PPEF1: variants seen among roughly 807,000 people sequenced by gnomAD.
PPEF1 encodes the protein protein phosphatase with EF-hand domain 1.
A neutral mutation model predicts 53.3 loss-of-function variants in PPEF1; 12 were observed. The observed-to-expected ratio is 0.23, with a 90% CI of 0.14 to 0.36. The LOEUF (loss-of-function observed/expected upper bound fraction) is 0.36, where lower values mean the gene tolerates loss of function less well. PPEF1 is among the 10% of genes least tolerant of loss of function. The pLI is 1.00. For missense variants in PPEF1, 334 were observed against 490.4 expected (o/e 0.68, Z 3.01); for synonymous variants, 165 against 176.7 (o/e 0.93, Z 0.52).
intron 12 of PPEF1, among the ~76,000 whole-genome samples, chrX:18,817,067 CAT>C (rs1555979311): frequency 0.067 from 3,303 of 49,093 alleles, 58 homozygotes; most frequent in Middle Eastern, 0.1. Context: ...ATCATTTTGC[CAT>C]GTGTGTGTGT....
intron 1 of PPEF1, among the ~76,000 whole-genome samples, chrX:18,676,732 G>C (rs988953268): frequency 8.9e-6 from 1 of 112,114 alleles, no homozygotes; most frequent in Admixed American, 9.4e-5. Context: ...CCCACTGGTT[G>C]TGTTTTGGAT....
chrX:18,802,444 C>G (rs1224919897), intron 10 of PPEF1, among the ~76,000 whole-genome samples: 1 of 111,595 alleles, frequency 9.0e-6, no homozygotes, highest in East Asian at 2.8e-4. Flanking sequence ...TCCTGCGCCC[C>G]AAAGGAAATG....
intron 4 of PPEF1, chrX:18,691,172 C>T (rs1264535108): frequency 8.9e-6 from 1 of 111,816 alleles, no homozygotes; most frequent in Non-Finnish European, 1.9e-5. Flanking sequence ...GAAAGTTAAC[C>T]TGTGGCCTCT....
At chrX:18,743,327 A>T (rs1273000185) in intron 3 of PPEF1, among the ~76,000 whole-genome samples, 1 of 111,157 alleles carries the variant, frequency 9.0e-6, no homozygotes, top group African/African-American at 3.3e-5. Context: ...GCAATAGTAC[A>T]TTCATTTCAT....
intron 10 of PPEF1, among the ~76,000 whole-genome samples, chrX:18,803,037 G>T (rs1437935665): frequency 8.9e-6 from 1 of 112,012 alleles, no homozygotes; most frequent in Non-Finnish European, 1.9e-5. Flanking sequence ...ATATAGAGGT[G>T]TGAAGTGGGA....
At chrX:18,723,132 C>A (rs1456236466) in intron 1 of PPEF1, among the ~76,000 whole-genome samples, 4 of 110,486 alleles carry the variant, frequency 3.6e-5, no homozygotes, top group African/African-American at 9.9e-5. Context: ...TTACAGGTGC[C>A]CACCACCATG....
intron 10 of PPEF1, among the ~76,000 whole-genome samples, chrX:18,798,321 C>G (rs1356607456): frequency 8.9e-6 from 1 of 111,757 alleles, no homozygotes; most frequent in Non-Finnish European, 1.9e-5. Flanking sequence ...GCATGAGCCA[C>G]GGCGCCTGGC....
At chrX:18,741,639 T>C (rs1021047755) in intron 3 of PPEF1, among the ~76,000 whole-genome samples, 3 of 110,284 alleles carry the variant, frequency 2.7e-5, no homozygotes, top group African/African-American at 9.9e-5. Flanking sequence ...CATCCTGCCT[T>C]CTTGTACTGC....
intron 4 of PPEF1, among the ~76,000 whole-genome samples, chrX:18,693,620 G>A (rs1473576383): frequency 2.7e-5 from 3 of 112,129 alleles, no homozygotes; most frequent in Non-Finnish European, 3.8e-5. Flanking sequence ...AGGCTGGAGT[G>A]TAATGGCGCA....
intron 10 of PPEF1, among the ~76,000 whole-genome samples, chrX:18,793,585 A>T (rs1399764042): frequency 1.8e-5 from 2 of 110,982 alleles, no homozygotes; most frequent in Non-Finnish European, 3.8e-5. Context: ...TGTTTTATAT[A>T]TGTCTCTTTG....
intron 3 of PPEF1, among the ~76,000 whole-genome samples, chrX:18,740,520 C>G (rs778321276): frequency 1.2e-4 from 13 of 109,914 alleles, no homozygotes; most frequent in Non-Finnish European, 2.1e-4. Context: ...GGTGATTCTC[C>G]TGCCTCAGCC....
chrX:18,729,186 T>A (rs1362715211), intron 1 of PPEF1, among the ~76,000 whole-genome samples: 1 of 111,832 alleles, frequency 8.9e-6, no homozygotes, highest in African/African-American at 3.3e-5. Flanking sequence ...TCATAGAAAC[T>A]CTGTGAGGGA....
chrX:18,704,036 A>G (rs2044144006), upstream of PPEF1, among the ~76,000 whole-genome samples: 1 of 102,059 alleles, frequency 9.8e-6, no homozygotes, highest in African/African-American at 3.7e-5. Flanking sequence ...TGATCCTCCC[A>G]CCTCAGCCTC....
At chrX:18,753,827 A>G (rs1377361900) in intron 4 of PPEF1, among the ~76,000 whole-genome samples, 1 of 111,585 alleles carries the variant, frequency 9.0e-6, no homozygotes, top group Non-Finnish European at 1.9e-5. Context: ...GCATGATTTC[A>G]GTCTTTTTAA....
At chrX:18,783,331 C>T (rs1166575083) in intron 8 of PPEF1, among the ~76,000 whole-genome samples, 1 of 109,449 alleles carries the variant, frequency 9.1e-6, no homozygotes. Context: ...ATATGAAGGG[C>T]GAGTCATTGA....
At chrX:18,733,619 T>C (rs1488267529) in intron 2 of PPEF1, 129 bp from the exon 3 acceptor site, 5 of 511,666 alleles carry the variant, frequency 9.8e-6, no homozygotes, top group Non-Finnish European at 1.6e-5. Flanking sequence ...AAGTGACCCT[T>C]AGCACCTGCA....
At chrX:18,789,338 A>G in intron 10 of PPEF1, 65 bp downstream of exon 10, 1 of 1,039,791 alleles carries the variant, frequency 9.6e-7, no homozygotes, top group Non-Finnish European at 1.3e-6. Context: ...GTCCCTTACA[A>G]TATATAGATA....
At chrX:18,788,730 A>C (rs1457005895) in intron 9 of PPEF1, among the ~76,000 whole-genome samples, 1 of 111,833 alleles carries the variant, frequency 8.9e-6, no homozygotes, top group Non-Finnish European at 1.9e-5. Context: ...CAGCCACTCT[A>C]TTAAGAGGTG....
At chrX:18,741,091 G>A (rs1334572504) in intron 3 of PPEF1, among the ~76,000 whole-genome samples, 1 of 111,473 alleles carries the variant, frequency 9.0e-6, no homozygotes, top group Non-Finnish European at 1.9e-5. Context: ...TTAATGATCT[G>A]TAGAAGCCTT....
Sources: allele counts gnomAD v4.1 joint callset (sites outside exome capture counted in the v4.1 genomes callset), GRCh38; gene constraint gnomAD v4.1.1; transcripts MANE v1.5; gene names NCBI Gene and HGNC (gene_info 2026-07-23, HGNC 2026-07-21).